The following LDHAL6A variants were observed in gnomAD, a reference collection of about 807,000 sequenced individuals.
LDHAL6A encodes the protein lactate dehydrogenase A like 6A, also known as L-lactate dehydrogenase A-like 6A.
Under a neutral mutation model 28.2 loss-of-function variants are expected in LDHAL6A, and 19 were observed. That is an observed-to-expected ratio of 0.67 (90% confidence interval 0.47 to 0.99). The LOEUF (loss-of-function observed/expected upper bound fraction) is 0.99, where lower values mean the gene tolerates loss of function less well. LDHAL6A is among the 50% of genes least tolerant of loss of function. LDHAL6A has a pLI of 0.00. For missense variants in LDHAL6A, 372 were observed against 398.6 expected (o/e 0.93, Z 0.57); for synonymous variants, 144 against 134.4 (o/e 1.07, Z -0.49).
At chr11:18,459,976 A>G (rs896443161) in intron 1 of LDHAL6A, among the ~76,000 whole-genome samples, 2 of 152,170 alleles carry the variant, frequency 1.3e-5, no homozygotes, top group African/African-American at 4.8e-5. Flanking sequence ...TTTTCATCAC[A>G]TCATATCCCG....
In LDHAL6A at chr11:18,476,480, T is replaced by C; in HGVS notation, c.689T>C (p.Val230Ala). The C allele has an allele frequency of 6.2e-7, 1 of 1,613,510 alleles. No homozygotes were observed. Among genetic ancestry groups the C allele is most frequent in the South Asian group, 1.1e-5 (1 of 90,934 alleles). Residue 230 changes from valine (V) to alanine (A), a missense_variant, in exon 5 of 7, where the codon GTC (valine) becomes GCC (alanine). Val to Ala is a moderately conservative substitution (Grantham distance 64, BLOSUM62 0). Transcript: ENST00000280706. The part of the protein sequence containing the change: ...TDKDPEQWEN[V>A]HKKVISSGYE... ...AAAGATCCTGAGCAGTGGGAAAATG[T>C]CCACAAAAAAGTGATTTCCAGGTAA...
At chr11:18,462,541 G>A (rs1848944305) in intron 1 of LDHAL6A, among the ~76,000 whole-genome samples, 1 of 151,718 alleles carries the variant, frequency 6.6e-6, no homozygotes, top group Non-Finnish European at 1.5e-5. Context: ...GGAGGCTGAG[G>A]CAGGAGAATG....
At chr11:18,461,230 T>G (rs1221631888) in intron 1 of LDHAL6A, among the ~76,000 whole-genome samples, 1 of 151,740 alleles carries the variant, frequency 6.6e-6, no homozygotes, top group African/African-American at 2.4e-5. Context: ...CTTCAACCTC[T>G]GCCTCCTGGG....
rs781750663 is a variant in LDHAL6A at position 18,465,700 on chromosome 11, G to A, written c.308G>A (p.Gly103Glu). The change falls in exon 3 of 7, where the codon GGA (glycine) becomes GAA (glutamate). Residue 103 changes from glycine to glutamate, a missense_variant. Gly to Glu is a moderately conservative substitution (Grantham distance 98). This residue lies in a region of LDHAL6A where 291 missense variants were observed against 302.9 expected (regional missense o/e 0.96). Transcript: ENST00000280706. ...ACAGCAGGTGCACGCCAGAAAAAAG[G>A]AGAAACACGCCTTGATTTAGTCCAG... is the stretch of plus-strand genomic sequence containing the variant. The part of the protein sequence containing the change: ...IITAGARQKK[G>E]ETRLDLVQRN... 2.7e-5 allele frequency: 44 copies of A among 1,613,998 alleles called. No homozygotes were observed. The African/African-American group carries it at 4.4e-4, about 16-fold the overall frequency.
intron 3 of LDHAL6A, among the ~76,000 whole-genome samples, chr11:18,474,741 G>A (rs1311832724): frequency 6.6e-6 from 1 of 152,086 alleles, no homozygotes; most frequent in African/African-American, 2.4e-5. Flanking sequence ...TCACTCATCT[G>A]TAATCCCAGC....
chr11:18,470,172 G>A (rs1366901307), intron 3 of LDHAL6A, among the ~76,000 whole-genome samples: 1 of 152,224 alleles, frequency 6.6e-6, no homozygotes, highest in African/African-American at 2.4e-5. Context: ...TGATCTGCCT[G>A]CCTTGGCCTC....
At chr11:18,477,280 G>A (rs2133892813) in intron 5 of LDHAL6A, among the ~76,000 whole-genome samples, 1 of 152,146 alleles carries the variant, frequency 6.6e-6, no homozygotes, top group South Asian at 2.1e-4. Context: ...CCAACGTGGT[G>A]AAAACCCGTC....
At chr11:18,475,276 C>T (rs545570169) in intron 3 of LDHAL6A, 190 bp from the exon 4 acceptor site, 3 of 504,532 alleles carry the variant, frequency 5.9e-6, no homozygotes, top group East Asian at 3.2e-5. Flanking sequence ...AAAGTATCAA[C>T]GAAAAGGTTT....
Position 18,475,490 on chromosome 11 carries a change from G to C in LDHAL6A, c.443G>C (p.Trp148Ser). 1 of 1,613,712 alleles carries C rather than the reference G, an allele frequency of 6.2e-7. No individual in the cohort carries two copies. Among genetic ancestry groups the C allele is most frequent in the Non-Finnish European group, 8.5e-7 (1 of 1,179,718 alleles). Reference protein sequence around the residue: ...NPVDILTYVAWKLSGFPKNRV... With the variant: ...NPVDILTYVASKLSGFPKNRV... ...GTGGATATCTTAACTTATGTAGCCT[G>C]GAAGTTGAGTGGATTTCCCAAAAAC... is the stretch of plus-strand genomic sequence containing the variant. Residue 148 changes from tryptophan to serine, a missense_variant, in exon 4 of 7, where the codon TGG becomes TCG. By Grantham distance (177) the Trp-to-Ser change is radical (BLOSUM62 -3). Coordinates refer to ENST00000280706, the MANE Select transcript of LDHAL6A (RefSeq NM_144972.5).
intron 3 of LDHAL6A, among the ~76,000 whole-genome samples, chr11:18,467,884 T>C (rs71453059): frequency 0.28 from 11,159 of 40,282 alleles, 1,877 homozygotes; most frequent in South Asian, 0.36. Context: ...TACACACATA[T>C]ATATATATAT....
At chr11:18,470,148 C>T (rs982584883) in intron 3 of LDHAL6A, among the ~76,000 whole-genome samples, 2 of 152,232 alleles carry the variant, frequency 1.3e-5, no homozygotes, top group African/African-American at 4.8e-5. Flanking sequence ...TGGTCTTGAA[C>T]TCCTGGCATC....
chr11:18,478,328 C>T (rs1849440419), intron 6 of LDHAL6A, among the ~76,000 whole-genome samples: 1 of 152,156 alleles, frequency 6.6e-6, no homozygotes, highest in African/African-American at 2.4e-5. Flanking sequence ...GCAAACATGG[C>T]AGGAGGCTGG....
chr11:18,478,263 C>A (rs950302787), intron 6 of LDHAL6A, among the ~76,000 whole-genome samples: 2 of 152,100 alleles, frequency 1.3e-5, no homozygotes, highest in Non-Finnish European at 2.9e-5. Context: ...TTGAAGTGGT[C>A]TCCTGATAGG....
rs779146139 is a variant in LDHAL6A, at chr11:18,463,969, T to C, written c.135T>C (p.Ser45=). Reference sequence around the variant, plus strand: ...CTAACAATGTTTTTCAGGGTTTGAGTGATGAACTTGTCCTTGTGGATGTTG... The same window carrying C: ...CTAACAATGTTTTTCAGGGTTTGAGCGATGAACTTGTCCTTGTGGATGTTG... ...CAISILLKGL[S]DELVLVDVDE... Residue 45 remains serine (S), a synonymous_variant, in exon 2 of 7, where the codon AGT becomes AGC. Coordinates refer to ENST00000280706, the MANE Select transcript of LDHAL6A (RefSeq NM_144972.5). The C allele has an allele frequency of 2.5e-6, 4 of 1,611,020 alleles. No individual in the cohort carries two copies. The highest frequency in any genetic ancestry group is 3.4e-6 in the Non-Finnish European group (4 of 1,177,396).
At chr11:18,475,991 G>GCTTCA (rs1849369941) in intron 4 of LDHAL6A, among the ~76,000 whole-genome samples, 1 of 33,958 alleles carries the variant, frequency 2.9e-5, no homozygotes, top group Non-Finnish European at 1.0e-4. Flanking sequence ...TTAAGGGATG[G>GCTTCA]GTATAACTGA....
rs761192248 is a variant in LDHAL6A, at chr11:18,478,917, T to C, written c.*47T>C. 4 of 1,447,986 alleles carry C rather than the reference T, an allele frequency of 2.8e-6. No homozygotes were observed. Among genetic ancestry groups the C allele is most frequent in the Middle Eastern group, 2.0e-4 (1 of 5,084 alleles). 89.7% of individuals were successfully genotyped at this position (1,447,986 alleles called of 1,614,324 possible). A position where few individuals can be genotyped will look rare whatever the true frequency, so the allele number is the denominator to read the frequency against. On this transcript the variant is annotated 3_prime_UTR_variant, in exon 7 of 7. Coordinates refer to ENST00000280706, the MANE Select transcript of LDHAL6A (RefSeq NM_144972.5). ...TAGATTGAAGATGAAATAGTAGTTATGGAATTGTATATGTCAAACTTTTGA... is the reference window on the plus strand; with the variant it reads ...TAGATTGAAGATGAAATAGTAGTTACGGAATTGTATATGTCAAACTTTTGA...
At chr11:18,464,214 G>A (rs766087257) in intron 2 of LDHAL6A, 136 bp downstream of exon 2, 75 of 598,580 alleles carry the variant, frequency 1.3e-4, no homozygotes, top group Non-Finnish European at 1.6e-4. Context: ...CTCTCATAAC[G>A]TGTTCAGATT....
chr11:18,458,914 G>A (rs1848825949), intron 1 of LDHAL6A, among the ~76,000 whole-genome samples: 1 of 152,152 alleles, frequency 6.6e-6, no homozygotes, highest in Non-Finnish European at 1.5e-5. Context: ...ATAAAGATGG[G>A]ATATTCTGTT....
At chr11:18,458,913 G>A (rs1433142131) in intron 1 of LDHAL6A, among the ~76,000 whole-genome samples, 1 of 152,090 alleles carries the variant, frequency 6.6e-6, no homozygotes, top group South Asian at 2.1e-4. Flanking sequence ...TATAAAGATG[G>A]GATATTCTGT....
Sources: gnomAD v4.1 joint callset for allele counts (sites outside exome capture counted in the v4.1 genomes callset) on GRCh38, gnomAD v4.1.1 for gene constraint, gnomAD v4.1.1 regional missense constraint, MANE v1.5 for transcripts, NCBI Gene and HGNC (gene_info 2026-07-23, HGNC 2026-07-21) for gene names.